Variants in DGKG observed in about 807,000 individuals in gnomAD.
DGKG encodes DAG kinase gamma.
A neutral mutation model predicts 105.3 loss-of-function variants in DGKG; 78 were observed. The ratio of observed to expected loss-of-function variants is 0.74; its 90% CI spans 0.62 to 0.89. The LOEUF (loss-of-function observed/expected upper bound fraction) is 0.89. Ranked by LOEUF, DGKG falls within the 40% of genes least tolerant of loss-of-function variation. DGKG has a pLI of 0.00. For synonymous variants in DGKG, 346 were observed against 367.1 expected, an observed-to-expected ratio of 0.94 and a Z score of 0.66; for missense variants, 958 against 1,020.1, an observed-to-expected ratio of 0.94 and a Z score of 0.83.
Position 186,149,681 on chromosome 3 carries a change from A to G in DGKG, c.*409T>C, listed in dbSNP as rs1217873848. 4 of 998,428 alleles carry G rather than the reference A, an allele frequency of 4.0e-6. No individual in the cohort carries two copies. The highest frequency in any genetic ancestry group is 4.8e-6 in the Non-Finnish European group (4 of 837,650). The allele number at this position is 998,428 out of a possible 1,614,324, so 61.8% of individuals were successfully genotyped here. On this transcript the variant is annotated 3_prime_UTR_variant, in exon 25 of 25. Coordinates refer to ENST00000265022, the MANE Select transcript of DGKG (RefSeq NM_001346.3). ...GAGCTCCTTCCCTTGGCCACATCTGATCTCACCATAGGCAGGAAACCTGCA... is the reference window on the plus strand; with the variant it reads ...GAGCTCCTTCCCTTGGCCACATCTGGTCTCACCATAGGCAGGAAACCTGCA...
intron 1 of DGKG, among the ~76,000 whole-genome samples, chr3:186,331,499 C>T (rs1314738263): frequency 6.6e-6 from 1 of 152,170 alleles, no homozygotes; most frequent in Non-Finnish European, 1.5e-5. Context: ...CATAAGAATT[C>T]AGAGAGGATT....
chr3:186,349,679 G>C (rs147198741), intron 1 of DGKG, among the ~76,000 whole-genome samples: 1 of 152,158 alleles, frequency 6.6e-6, no homozygotes. Flanking sequence ...GCACATCTGA[G>C]GGGCCATTGG....
At position 186,288,724 on chromosome 3, in the gene DGKG, T is replaced by C. The variant is rs1183568035; in HGVS notation, c.530A>G (p.Gln177Arg). ...YLSLLETGRP[Q>R]DKLEFMFRLY... Reference sequence around the variant, plus strand: ...TGAGCACTTACACTCCAGCTTATCCTGAGGCCTCCCCGTCTCCAGCAGGGA... The same window carrying C: ...TGAGCACTTACACTCCAGCTTATCCCGAGGCCTCCCCGTCTCCAGCAGGGA... The change falls in exon 6 of 25, where the codon CAG (glutamine) becomes CGG (arginine). Residue 177 changes from glutamine to arginine, a missense_variant. Gln to Arg is a conservative substitution (Grantham distance 43, BLOSUM62 1). Around this residue, in one of 2 missense-constraint regions of DGKG, gnomAD observed 643 missense variants for 619.5 expected, o/e 1.04. Coordinates refer to ENST00000265022, the MANE Select transcript of DGKG (RefSeq NM_001346.3). 6.2e-7 allele frequency: 1 copy of C among 1,614,174 alleles called. No individual in the cohort carries two copies. The highest frequency in any genetic ancestry group is 1.1e-5 in the South Asian group (1 of 91,084).
chr3:186,290,184 C>A (rs557513909), intron 5 of DGKG, among the ~76,000 whole-genome samples: 4 of 152,212 alleles, frequency 2.6e-5, no homozygotes, highest in African/African-American at 9.6e-5. Flanking sequence ...TAGCGGGATG[C>A]AAGAAGATAT....
intron 23 of DGKG, among the ~76,000 whole-genome samples, chr3:186,163,286 G>T (rs947066931): frequency 6.6e-6 from 1 of 152,078 alleles, no homozygotes; most frequent in Non-Finnish European, 1.5e-5. Context: ...GATTACAGAC[G>T]TGAGCCACCA....
intron 22 of DGKG, among the ~76,000 whole-genome samples, chr3:186,170,176 T>G (rs1716750367): frequency 1.3e-5 from 2 of 152,224 alleles, no homozygotes; most frequent in Admixed American, 1.3e-4. Context: ...AATGCCAGGT[T>G]GCACCCTATA....
intron 1 of DGKG, among the ~76,000 whole-genome samples, chr3:186,338,491 T>C (rs1725936613): frequency 6.6e-6 from 1 of 152,146 alleles, no homozygotes; most frequent in Admixed American, 6.5e-5. Context: ...AACGTCATTT[T>C]AAAAACCTCT....
intron 14 of DGKG, among the ~76,000 whole-genome samples, chr3:186,262,959 TC>T (rs1560121650): frequency 6.6e-6 from 1 of 151,952 alleles, no homozygotes; most frequent in Non-Finnish European, 1.5e-5. Flanking sequence ...AAACCCCGTC[TC>T]TACTAAAAAT....
chr3:186,270,954 G>T (rs1050130195), intron 11 of DGKG, among the ~76,000 whole-genome samples: 1 of 152,246 alleles, frequency 6.6e-6, no homozygotes, highest in East Asian at 1.9e-4. Flanking sequence ...CAGGTACACC[G>T]TGTGTCCCGG....
chr3:186,338,134 C>T (rs890946525), intron 1 of DGKG, among the ~76,000 whole-genome samples: 1 of 144,338 alleles, frequency 6.9e-6, no homozygotes, highest in African/African-American at 2.6e-5. Context: ...CGAGCCACTG[C>T]ACTCTAGCCC....
intron 1 of DGKG, among the ~76,000 whole-genome samples, chr3:186,333,397 G>A (rs1373139838): frequency 6.6e-6 from 1 of 152,168 alleles, no homozygotes; most frequent in East Asian, 1.9e-4. Context: ...TAAGCAGACA[G>A]ATTTTGGGTC....
chr3:186,173,235 G>A (rs374422385), intron 22 of DGKG, among the ~76,000 whole-genome samples: 2 of 152,294 alleles, frequency 1.3e-5, no homozygotes, highest in African/African-American at 2.4e-5. Context: ...TTTGACGCAC[G>A]AATTTTTGGG....
intron 22 of DGKG, among the ~76,000 whole-genome samples, chr3:186,186,550 G>A (rs1456269694): frequency 6.6e-6 from 1 of 152,192 alleles, no homozygotes; most frequent in African/African-American, 2.4e-5. Flanking sequence ...AAGAACCAAG[G>A]TTCTGGTTCA....
chr3:186,182,303 T>G (rs1392527810), intron 22 of DGKG, among the ~76,000 whole-genome samples: 1 of 152,186 alleles, frequency 6.6e-6, no homozygotes, highest in Non-Finnish European at 1.5e-5. Context: ...TATAAATACC[T>G]TCCCCCACAC....
intron 24 of DGKG, among the ~76,000 whole-genome samples, chr3:186,156,614 G>C (rs1716047767): frequency 6.6e-6 from 1 of 151,466 alleles, no homozygotes; most frequent in Non-Finnish European, 1.5e-5. Flanking sequence ...ATTGCATTGG[G>C]ATTTTGGGAT....
At chr3:186,178,633 C>A (rs929396861) in intron 22 of DGKG, among the ~76,000 whole-genome samples, 3 of 152,178 alleles carry the variant, frequency 2.0e-5, no homozygotes, top group East Asian at 1.9e-4. Flanking sequence ...TTCCACCTCG[C>A]CAGGCCCTCC....
chr3:186,306,613 AT>A, intron 3 of DGKG: 1 of 341,698 alleles, frequency 2.9e-6, no homozygotes, highest in South Asian at 4.8e-5. Flanking sequence ...TGTTTGTTCT[AT>A]TTTTTCAGTG....
intron 23 of DGKG, among the ~76,000 whole-genome samples, chr3:186,162,777 C>T (rs184119703): frequency 4.6e-5 from 7 of 151,796 alleles, no homozygotes; most frequent in East Asian, 1.9e-4. Context: ...CTCCTGACCT[C>T]GTGATCTGCC....
At chr3:186,217,228 C>T (rs1249694591) in intron 20 of DGKG, among the ~76,000 whole-genome samples, 1 of 152,170 alleles carries the variant, frequency 6.6e-6, no homozygotes, top group Non-Finnish European at 1.5e-5. Context: ...TGCTGGAATG[C>T]TTTTTCTGCA....
Sources: allele counts gnomAD v4.1 joint callset (sites outside exome capture counted in the v4.1 genomes callset), GRCh38; gene constraint gnomAD v4.1.1; regional missense constraint gnomAD v4.1.1; transcripts MANE v1.5; gene names NCBI Gene and HGNC (gene_info 2026-07-23, HGNC 2026-07-21).